The following SORCS2 variants were observed in gnomAD, a reference collection of about 807,000 sequenced individuals.
SORCS2 encodes VPS10 domain-containing receptor SorCS2.
In SORCS2, 100 loss-of-function variants were observed where a neutral mutation model predicts 141.6. The observed-to-expected ratio is 0.71, with a 90% CI of 0.60 to 0.83. The LOEUF (loss-of-function observed/expected upper bound fraction) is 0.83, where lower values mean the gene tolerates loss of function less well. Among genes scored for constraint, SORCS2 ranks in the 40% least tolerant of loss-of-function variants. SORCS2 has a pLI of 0.00. For missense variants in SORCS2, 1,646 were observed against 1,560.2 expected (o/e 1.05, Z -0.93); for synonymous variants, 789 against 676.9 (o/e 1.17, Z -2.57).
intron 10 of SORCS2, among the ~76,000 whole-genome samples, chr4:7,686,904 C>T (rs1560483439): frequency 6.6e-6 from 1 of 152,200 alleles, no homozygotes; most frequent in Non-Finnish European, 1.5e-5. Flanking sequence ...CACCAGTGGC[C>T]TGCAGGCCGT....
intron 1 of SORCS2, among the ~76,000 whole-genome samples, chr4:7,267,818 C>T (rs543962291): frequency 4.3e-4 from 65 of 152,252 alleles, no homozygotes; most frequent in Non-Finnish European, 8.1e-4. Context: ...GGCAACAAAG[C>T]GAGACTCCGT....
intron 3 of SORCS2, among the ~76,000 whole-genome samples, chr4:7,627,633 C>T (rs1978142): frequency 6.6e-6 from 1 of 152,216 alleles, no homozygotes; most frequent in African/African-American, 2.4e-5. Flanking sequence ...CCTCTGTTGG[C>T]TGAGGAGCCA....
chr4:7,723,690 T>C lies in SORCS2; in HGVS notation c.2425-7T>C, dbSNP rs773448520. 21 of 1,613,636 alleles carry C rather than the reference T, an allele frequency of 1.3e-5. No individual in the cohort carries two copies. The highest frequency in any genetic ancestry group is 1.0e-4 in the Admixed American group (6 of 59,962). ...CTCCTGAGTGGCCACATGGTGTTTC[T>C]CTGCAGGGTGATGTCCTGACTACCA... On this transcript the variant is annotated splice_polypyrimidine_tract_variant and splice_region_variant and intron_variant, in intron 18 of 26. Transcript: ENST00000507866.
intron 1 of SORCS2, among the ~76,000 whole-genome samples, chr4:7,215,346 G>A (rs76519493): frequency 0.32 from 48,204 of 152,138 alleles, 8,350 homozygotes; most frequent in Non-Finnish European, 0.39. Flanking sequence ...ATTTCTCACC[G>A]GGCCTTAGCT....
intron 2 of SORCS2, among the ~76,000 whole-genome samples, chr4:7,451,084 ATGAGTGACTGAGTGAGTGAATGAG>A (rs1728409939): frequency 6.6e-6 from 1 of 152,264 alleles, no homozygotes; most frequent in South Asian, 2.1e-4. Context: ...GAGTGAATGC[ATGAGTGACTGAGTGAGTGAATGAG>A]TGAGTGAATG....
intron 1 of SORCS2, among the ~76,000 whole-genome samples, chr4:7,394,722 C>A (rs949949797): frequency 1.3e-5 from 2 of 152,052 alleles, no homozygotes; most frequent in African/African-American, 4.8e-5. Flanking sequence ...GGATGTGAAG[C>A]CAGCCTCACA....
At chr4:7,591,264 C>A (rs1359052276) in intron 3 of SORCS2, among the ~76,000 whole-genome samples, 1 of 152,210 alleles carries the variant, frequency 6.6e-6, no homozygotes, top group Non-Finnish European at 1.5e-5. Flanking sequence ...TCTCTCCTTC[C>A]TAACAAGGTG....
chr4:7,667,243 G>A, intron 8 of SORCS2, 30 bp downstream of exon 8: 1 of 1,600,746 alleles, frequency 6.2e-7, no homozygotes, highest in Non-Finnish European at 8.6e-7. Context: ...GCCTGGTCCT[G>A]TGGCCAGACC....
chr4:7,644,529 A>T (rs11932646), intron 4 of SORCS2, among the ~76,000 whole-genome samples: 1 of 152,244 alleles, frequency 6.6e-6, no homozygotes, highest in African/African-American at 2.4e-5. Flanking sequence ...AGGGAGTCCA[A>T]GTGATGCTGG....
intron 3 of SORCS2, among the ~76,000 whole-genome samples, chr4:7,597,274 T>C (rs1167410476): frequency 7.2e-5 from 10 of 138,376 alleles, no homozygotes; most frequent in Admixed American, 5.1e-4. Flanking sequence ...GACTACGCAA[T>C]AGAGGAGGGG....
chr4:7,384,816 C>T (rs916332013), intron 1 of SORCS2, among the ~76,000 whole-genome samples: 6 of 152,318 alleles, frequency 3.9e-5, no homozygotes, highest in African/African-American at 7.2e-5. Context: ...GGCACGGGCA[C>T]GTAGAAGGGC....
chr4:7,245,267 G>T (rs1713005351), intron 1 of SORCS2, among the ~76,000 whole-genome samples: 1 of 152,162 alleles, frequency 6.6e-6, no homozygotes, highest in Non-Finnish European at 1.5e-5. Context: ...AAGCCACAGT[G>T]GTCCACCCCC....
chr4:7,302,587 G>C (rs1207835530), intron 1 of SORCS2, among the ~76,000 whole-genome samples: 1 of 152,160 alleles, frequency 6.6e-6, no homozygotes, highest in Non-Finnish European at 1.5e-5. Flanking sequence ...TAGGCCCTGT[G>C]CCCTGACTTG....
intron 1 of SORCS2, among the ~76,000 whole-genome samples, chr4:7,384,922 C>G (rs1013384642): frequency 6.6e-6 from 1 of 152,204 alleles, no homozygotes; most frequent in African/African-American, 2.4e-5. Context: ...GGTCCAGGCT[C>G]GCCGGCTCAG....
intron 1 of SORCS2, among the ~76,000 whole-genome samples, chr4:7,245,174 G>C (rs1361476884): frequency 6.6e-6 from 1 of 152,102 alleles, no homozygotes; most frequent in Non-Finnish European, 1.5e-5. Flanking sequence ...CTGGATGCAG[G>C]TCCCTTCTGG....
chr4:7,560,539 A>G (rs978672068), intron 3 of SORCS2, among the ~76,000 whole-genome samples: 2 of 152,140 alleles, frequency 1.3e-5, no homozygotes, highest in African/African-American at 4.8e-5. Flanking sequence ...AAGTGCTCGT[A>G]GGGTGTCTGA....
intron 3 of SORCS2, among the ~76,000 whole-genome samples, chr4:7,538,937 G>A (rs1417585059): frequency 1.3e-5 from 2 of 152,216 alleles, no homozygotes; most frequent in Admixed American, 6.5e-5. Context: ...GCATGGCCCT[G>A]TGTCCTGAAG....
intron 3 of SORCS2, among the ~76,000 whole-genome samples, chr4:7,535,888 C>T (rs905032920): frequency 1.7e-4 from 26 of 152,246 alleles, no homozygotes; most frequent in Non-Finnish European, 3.4e-4. Flanking sequence ...GCTGCTTGCT[C>T]GTGGCATGTC....
chr4:7,202,967 C>T (rs1312852956), intron 1 of SORCS2, among the ~76,000 whole-genome samples: 4 of 141,876 alleles, frequency 2.8e-5, no homozygotes, highest in African/African-American at 1.1e-4. Context: ...CCATTTGTCT[C>T]ATTTGCTCCT....
Sources: gnomAD v4.1 joint callset for allele counts (sites outside exome capture counted in the v4.1 genomes callset) on GRCh38, gnomAD v4.1.1 for gene constraint, MANE v1.5 for transcripts, NCBI Gene and HGNC (gene_info 2026-07-23, HGNC 2026-07-21) for gene names.